The following KIAA1549L variants were observed in gnomAD, a reference collection of about 807,000 sequenced individuals.
KIAA1549L encodes UPF0606 protein KIAA1549L.
A neutral mutation model predicts 160.7 loss-of-function variants in KIAA1549L; 88 were observed. That is an observed-to-expected ratio of 0.55 (90% CI 0.46 to 0.65). The LOEUF is 0.65. Ranked by LOEUF, KIAA1549L falls within the 30% of genes least tolerant of loss-of-function variation. The probability of loss-of-function intolerance (pLI) is 0.00; values close to 1 mark genes in which losing one functional copy is unlikely to be tolerated. For synonymous variants in KIAA1549L, 950 were observed against 976.7 expected (o/e 0.97, Z 0.51); for missense variants, 2,258 against 2,437.5 (o/e 0.93, Z 1.55).
At chr11:33,617,491 G>A (rs1330403450) in intron 15 of KIAA1549L, among the ~76,000 whole-genome samples, 1 of 152,166 alleles carries the variant, frequency 6.6e-6, no homozygotes, top group Non-Finnish European at 1.5e-5. Context: ...GGCCTGAAAT[G>A]CTCTGTGCCC....
At chr11:33,533,622 A>G (rs2133155200) in intron 1 of KIAA1549L, among the ~76,000 whole-genome samples, 1 of 152,328 alleles carries the variant, frequency 6.6e-6, no homozygotes, top group Non-Finnish European at 1.5e-5. Context: ...GTGACTTGTC[A>G]CTTTCCTGAA....
In KIAA1549L at chr11:33,645,875, G is replaced by A. The variant is rs764267804; in HGVS notation, c.5599G>A (p.Ala1867Thr). The A allele has an allele frequency of 8.1e-6, 13 of 1,613,792 alleles. No homozygotes were observed. The highest frequency in any genetic ancestry group is 1.7e-5 in the Admixed American group (1 of 60,014). ...EAFSLASAGHAGQSRHQEAYG... is the reference protein window; with the variant it reads ...EAFSLASAGHTGQSRHQEAYG... ...CTTCAGCCTGGCATCCGCGGGCCAC[G>A]CAGGCCAGAGCCGGCACCAAGAGGC... Residue 1867 changes from alanine (A) to threonine (T), a missense_variant, in exon 17 of 21, where the codon GCA becomes ACA. Ala to Thr is a moderately conservative substitution (Grantham distance 58). This residue lies in a region of KIAA1549L where 1,359 missense variants were observed against 1,546.6 expected (regional missense o/e 0.88). Coordinates refer to ENST00000658780, the MANE Select transcript of KIAA1549L (RefSeq NM_012194.3).
intron 14 of KIAA1549L, among the ~76,000 whole-genome samples, chr11:33,608,598 C>G (rs553374625): frequency 6.6e-6 from 1 of 152,368 alleles, no homozygotes; most frequent in Non-Finnish European, 1.5e-5. Flanking sequence ...AGGCCTGGAT[C>G]TTTTCATCCC....
intron 12 of KIAA1549L, 25 bp from the exon 13 acceptor site, chr11:33,598,794 TC>T (rs1850277213): frequency 6.2e-7 from 1 of 1,613,316 alleles, no homozygotes; most frequent in South Asian, 1.1e-5. Context: ...ACTTACCGTC[TC>T]CCCTGTTGCT....
chr11:33,472,074 A>G (rs1852189196), intron 1 of KIAA1549L, among the ~76,000 whole-genome samples: 1 of 151,940 alleles, frequency 6.6e-6, no homozygotes, highest in African/African-American at 2.4e-5. Flanking sequence ...TCATCTCCAC[A>G]TTCCTGTTGG....
intron 15 of KIAA1549L, among the ~76,000 whole-genome samples, chr11:33,610,680 A>G (rs1850625287): frequency 6.6e-6 from 1 of 152,236 alleles, no homozygotes; most frequent in South Asian, 2.1e-4. Context: ...AGGTGCTGTA[A>G]CGATCTAAAA....
intron 1 of KIAA1549L, among the ~76,000 whole-genome samples, chr11:33,489,391 C>G (rs1852604719): frequency 6.6e-6 from 1 of 152,134 alleles, no homozygotes; most frequent in Non-Finnish European, 1.5e-5. Context: ...AAGGCCTTAC[C>G]CTGGTGTCCT....
chr11:33,394,462 A>G (rs977107887), intron 1 of KIAA1549L, among the ~76,000 whole-genome samples: 17 of 152,200 alleles, frequency 1.1e-4, no homozygotes, highest in African/African-American at 3.6e-4. Flanking sequence ...AAAATGAAAC[A>G]TCACTTAAAA....
chr11:33,643,893 A>C (rs1851652243), intron 16 of KIAA1549L, among the ~76,000 whole-genome samples: 1 of 152,198 alleles, frequency 6.6e-6, no homozygotes, highest in East Asian at 1.9e-4. Flanking sequence ...ACATCTCAAC[A>C]GGCAGATCTG....
chr11:33,434,212 G>T (rs1269019799), intron 1 of KIAA1549L, among the ~76,000 whole-genome samples: 3 of 151,998 alleles, frequency 2.0e-5, no homozygotes, highest in Non-Finnish European at 4.4e-5. Flanking sequence ...GAATCATGGG[G>T]GCAGTTTCTC....
At chr11:33,658,227 A>T (rs7930995) in intron 18 of KIAA1549L, among the ~76,000 whole-genome samples, 1 of 151,870 alleles carries the variant, frequency 6.6e-6, no homozygotes, top group Non-Finnish European at 1.5e-5. Context: ...TGCTCCCTGG[A>T]GCAGCCCGAG....
intron 1 of KIAA1549L, among the ~76,000 whole-genome samples, chr11:33,493,113 A>G (rs1287658082): frequency 1.3e-5 from 2 of 152,142 alleles, no homozygotes; most frequent in Admixed American, 6.6e-5. Context: ...TCAGTGCAGC[A>G]GTGGTGACTT....
intron 14 of KIAA1549L, among the ~76,000 whole-genome samples, chr11:33,608,111 G>A (rs1465326501): frequency 6.6e-6 from 1 of 152,142 alleles, no homozygotes; most frequent in Non-Finnish European, 1.5e-5. Context: ...AAAGAGTATG[G>A]ATTCTCAAGC....
Position 33,646,654 on chromosome 11 carries a change from T to C in KIAA1549L, c.5760+618T>C, listed in dbSNP as rs11821409. On this transcript the variant is annotated intron_variant, in intron 17 of 20. Transcript: ENST00000658780. The stretch of plus-strand genomic sequence containing the variant: ...AAATCACAATCTTGCACAAAGGCCA[T>C]TGCAACCTTACACACACACAAAATA... 8.2e-3 allele frequency among the ~76,000 whole-genome samples: 1,244 copies of C among 152,350 alleles called. 12 individuals carry two copies. The highest frequency in any genetic ancestry group is 0.018 in the African/African-American group (751 of 41,582).
chr11:33,552,497 T>C (rs1401846306), intron 6 of KIAA1549L, among the ~76,000 whole-genome samples: 1 of 152,174 alleles, frequency 6.6e-6, no homozygotes, highest in Middle Eastern at 3.2e-3. Flanking sequence ...CATTTATTAT[T>C]TTGAAAAGTT....
At position 33,545,156 on chromosome 11, in the gene KIAA1549L, C is replaced by A; in HGVS notation, c.3163C>A (p.Pro1055Thr). The A allele has an allele frequency of 6.2e-7, 1 of 1,614,034 alleles. No individual in the cohort carries two copies. The highest frequency in any genetic ancestry group is 8.5e-7 in the Non-Finnish European group (1 of 1,179,896). ...PQAMHTGLPN[P>T]TNLEMPRAST... ...AGCCATGCACACCGGCCTCCCAAAC[C>A]CCACCAACCTGGAGATGCCCAGAGC... Residue 1055 changes from proline to threonine, a missense_variant, in exon 3 of 21, where the codon CCC (proline) becomes ACC (threonine). Pro to Thr is a conservative substitution (Grantham distance 38). This residue lies in a region of KIAA1549L where 1,359 missense variants were observed against 1,546.6 expected (regional missense o/e 0.88). Transcript: ENST00000658780.
chr11:33,411,710 C>G (rs2134088029), intron 1 of KIAA1549L, among the ~76,000 whole-genome samples: 1 of 152,318 alleles, frequency 6.6e-6, no homozygotes, highest in East Asian at 1.9e-4. Flanking sequence ...AGGGTTAGCT[C>G]TCCTAGTGCT....
At chr11:33,607,427 A>G (rs907388987) in intron 14 of KIAA1549L, among the ~76,000 whole-genome samples, 21 of 152,328 alleles carry the variant, frequency 1.4e-4, no homozygotes, top group Non-Finnish European at 1.9e-4. Flanking sequence ...AGAAAATTAG[A>G]TAGATAGATG....
intron 1 of KIAA1549L, among the ~76,000 whole-genome samples, chr11:33,487,574 C>T (rs1290751330): frequency 6.6e-6 from 1 of 152,102 alleles, no homozygotes; most frequent in African/African-American, 2.4e-5. Context: ...TCTGCCTTGC[C>T]TTCAGAAGTT....
Sources: allele counts gnomAD v4.1 joint callset (sites outside exome capture counted in the v4.1 genomes callset), GRCh38; gene constraint gnomAD v4.1.1; regional missense constraint gnomAD v4.1.1; transcripts MANE v1.5; gene names NCBI Gene and HGNC (gene_info 2026-07-23, HGNC 2026-07-21).